The following HDAC1 variants were observed in gnomAD, a reference collection of about 807,000 sequenced individuals.
HDAC1 encodes the protein protein deacetylase HDAC1.
HDAC1 carries 18 observed loss-of-function variants against 65.5 expected under a neutral mutation model. That is an observed-to-expected ratio of 0.27 (90% CI 0.19 to 0.41). The LOEUF (loss-of-function observed/expected upper bound fraction) is 0.41, where lower values mean the gene tolerates loss of function less well. HDAC1 is among the 10% of genes least tolerant of loss of function. HDAC1 has a pLI of 1.00. For missense variants in HDAC1, 373 were observed against 625.2 expected, an observed-to-expected ratio of 0.60 and a Z score of 4.30; for synonymous variants, 211 against 227.9, an observed-to-expected ratio of 0.93 and a Z score of 0.67.
intron 3 of HDAC1, among the ~76,000 whole-genome samples, chr1:32,317,902 G>A (rs1415732667): frequency 2.6e-5 from 4 of 152,140 alleles, no homozygotes; most frequent in Admixed American, 1.3e-4. Context: ...AAGAAAATAA[G>A]CTTTCATGTC....
intron 2 of HDAC1, among the ~76,000 whole-genome samples, chr1:32,305,604 G>A (rs928297760): frequency 5.6e-5 from 8 of 143,866 alleles, no homozygotes; most frequent in Admixed American, 2.8e-4. Context: ...CCCATTGGTT[G>A]TCTTTTTTTT....
At chr1:32,319,991 C>T (rs1641117775) in intron 3 of HDAC1, among the ~76,000 whole-genome samples, 1 of 151,498 alleles carries the variant, frequency 6.6e-6, no homozygotes, top group Non-Finnish European at 1.5e-5. Context: ...CCGAGGTGGG[C>T]GGATCACGAG....
At chr1:32,320,168 C>T (rs1570028040) in intron 3 of HDAC1, among the ~76,000 whole-genome samples, 2 of 151,072 alleles carry the variant, frequency 1.3e-5, no homozygotes, top group Admixed American at 6.6e-5. Flanking sequence ...TGCAGTGAGC[C>T]GAGATCACGC....
chr1:32,299,489 A>T (rs555038094), intron 1 of HDAC1, among the ~76,000 whole-genome samples: 3 of 152,240 alleles, frequency 2.0e-5, no homozygotes, highest in Admixed American at 6.5e-5. Flanking sequence ...CTCACCTCAG[A>T]TACTCCCTTA....
chr1:32,324,735 T>TGAG (rs889831556), intron 4 of HDAC1, among the ~76,000 whole-genome samples, 182 bp downstream of exon 4: 1 of 152,064 alleles, frequency 6.6e-6, no homozygotes, highest in Non-Finnish European at 1.5e-5. Flanking sequence ...TTTGAGAGGC[T>TGAG]GAGGAGGAGG....
chr1:32,294,288 A>C (rs914974257), intron 1 of HDAC1, among the ~76,000 whole-genome samples: 2 of 151,586 alleles, frequency 1.3e-5, no homozygotes, highest in Non-Finnish European at 2.9e-5. Flanking sequence ...AGCTGGGATT[A>C]CAGGCGTGCG....
Position 32,329,058 on chromosome 1 carries a change from T to C in HDAC1, c.637-10T>C. On this transcript the variant is annotated splice_polypyrimidine_tract_variant and intron_variant, in intron 6 of 13. Coordinates refer to ENST00000373548, the MANE Select transcript of HDAC1 (RefSeq NM_004964.3). The surrounding 1 kb of genome is among the most constrained non-coding windows in gnomAD (Gnocchi z 4.1). ...TCCTTCAGTTTTACTTTAATGGCCT[T>C]TTTAATTAGGATATCGGGGCTGGCA... 1 of 1,563,474 alleles carries C rather than the reference T, an allele frequency of 6.4e-7. No individual in the cohort carries two copies. The highest frequency in any genetic ancestry group is 1.4e-5 in the African/African-American group (1 of 74,044).
chr1:32,292,661 C>T (rs1640713561), intron 1 of HDAC1, among the ~76,000 whole-genome samples: 1 of 152,114 alleles, frequency 6.6e-6, no homozygotes, highest in African/African-American at 2.4e-5. Flanking sequence ...CTCCCCCAGC[C>T]TCTGAGCGGG....
chr1:32,322,213 G>A (rs940750937), intron 3 of HDAC1, among the ~76,000 whole-genome samples: 5 of 151,932 alleles, frequency 3.3e-5, no homozygotes, highest in South Asian at 2.1e-4. Flanking sequence ...AAGAGAATAA[G>A]TATGCAGCCC....
At chr1:32,317,569 T>G (rs1321212729) in intron 3 of HDAC1, among the ~76,000 whole-genome samples, 1 of 152,192 alleles carries the variant, frequency 6.6e-6, no homozygotes, top group African/African-American at 2.4e-5. Flanking sequence ...GACCACAAGG[T>G]AGTCTTACTC....
At chr1:32,315,487 G>T (rs531554221) in intron 2 of HDAC1, among the ~76,000 whole-genome samples, 1 of 151,156 alleles carries the variant, frequency 6.6e-6, no homozygotes, top group South Asian at 2.1e-4. Flanking sequence ...TGAGTAGTTG[G>T]GATTACAGGT....
At chr1:32,319,790 G>A (rs1325534634) in intron 3 of HDAC1, among the ~76,000 whole-genome samples, 2 of 152,074 alleles carry the variant, frequency 1.3e-5, no homozygotes, top group African/African-American at 2.4e-5. Flanking sequence ...GCACATGCCT[G>A]TGATTCTGGC....
chr1:32,322,380 G>C (rs1442010174), intron 3 of HDAC1, among the ~76,000 whole-genome samples: 1 of 151,836 alleles, frequency 6.6e-6, no homozygotes. Context: ...GGGTTCAAGT[G>C]ATTCTCCTGC....
intron 2 of HDAC1, 22 bp downstream of exon 2, chr1:32,302,755 C>CGGAG: frequency 9.4e-7 from 1 of 1,063,390 alleles, no homozygotes; most frequent in Non-Finnish European, 1.5e-6. Context: ...GAGGTGCTAC[C>CGGAG]GCTCCCTAAC....
Position 32,302,829 on chromosome 1 carries a change from A to T in HDAC1, c.162+96A>T, listed in dbSNP as rs1015582891. On this transcript the variant is annotated intron_variant, in intron 2 of 13. Transcript: ENST00000373548. ...CATTTTCTCCACCACTCATTCACTC[A>T]TTCATCAAATGCATGTTGACTGCTG... The T allele has an allele frequency of 1.5e-5, 11 of 712,368 alleles. No individual in the cohort carries two copies. In the African/African-American group the frequency reaches 1.8e-4, roughly 11 times the overall value. 44.1% of individuals were successfully genotyped at this position (712,368 alleles called of 1,614,324 possible).
chr1:32,311,457 ACT>A (rs1022236384), intron 2 of HDAC1, among the ~76,000 whole-genome samples: 3 of 151,486 alleles, frequency 2.0e-5, no homozygotes, highest in Non-Finnish European at 4.4e-5. Context: ...ACAGAGTGAG[ACT>A]CTGTCTCGAA....
At chr1:32,293,380 G>T (rs1640724889) in intron 1 of HDAC1, among the ~76,000 whole-genome samples, 1 of 151,242 alleles carries the variant, frequency 6.6e-6, no homozygotes, top group African/African-American at 2.4e-5. Flanking sequence ...TGGGCATGCT[G>T]TCCCAAGGAA....
Position 32,329,002 on chromosome 1 carries a change from G to C in HDAC1, c.637-66G>C. On this transcript the variant is annotated intron_variant, in intron 6 of 13. Transcript: ENST00000373548. This position sits in a 1 kb window ranked among gnomAD's most constrained non-coding sequence, Gnocchi z 4.1. ...TTGAACCTCTTCCTTTATCCCTCCA[G>C]CCCCTATCCTTGACCTTCCTTCAAG... 1 of 952,270 alleles carries C rather than the reference G, an allele frequency of 1.1e-6. No homozygotes were observed. Among genetic ancestry groups the C allele is most frequent in the Non-Finnish European group, 1.7e-6 (1 of 577,178 alleles). 59.0% of individuals were successfully genotyped at this position (952,270 alleles called of 1,614,324 possible). A position where few individuals can be genotyped will look rare whatever the true frequency, so the allele number is the denominator to read the frequency against.
intron 3 of HDAC1, among the ~76,000 whole-genome samples, chr1:32,321,258 T>C (rs1641140575): frequency 6.6e-6 from 1 of 151,408 alleles, no homozygotes; most frequent in Admixed American, 6.6e-5. Flanking sequence ...AATAATAATA[T>C]AATGAACATC....
Sources: gnomAD v4.1 joint callset for allele counts (sites outside exome capture counted in the v4.1 genomes callset) on GRCh38, gnomAD v4.1.1 for gene constraint, Gnocchi (gnomAD v3.1) non-coding constraint, MANE v1.5 for transcripts, NCBI Gene and HGNC (gene_info 2026-07-23, HGNC 2026-07-21) for gene names.